Variants in PRIMA1 observed in about 807,000 individuals in gnomAD.
PRIMA1 encodes the protein proline-rich membrane anchor 1.
A neutral mutation model predicts 17.5 loss-of-function variants in PRIMA1; 7 were observed. That is an observed-to-expected ratio of 0.40 (90% CI 0.23 to 0.75). The LOEUF (loss-of-function observed/expected upper bound fraction) is 0.75. PRIMA1 is among the 30% of genes least tolerant of loss of function. The pLI is 0.37. For missense variants in PRIMA1, 200 were observed against 201.8 expected (o/e 0.99, Z 0.05); for synonymous variants, 97 against 77.9 (o/e 1.25, Z -1.29).
intron 3 of PRIMA1, among the ~76,000 whole-genome samples, chr14:93,759,509 ATG>A (rs778062841): frequency 6.7e-6 from 1 of 148,682 alleles, no homozygotes. Flanking sequence ...GTGCGTGTGC[ATG>A]TGTGTGTGCG....
chr14:93,748,337 G>A (rs946449973), intron 3 of PRIMA1, among the ~76,000 whole-genome samples: 1 of 152,124 alleles, frequency 6.6e-6, no homozygotes, highest in Non-Finnish European at 1.5e-5. Context: ...AACCTGTGAC[G>A]GCTGCATAGA....
intron 3 of PRIMA1, among the ~76,000 whole-genome samples, chr14:93,744,707 C>T (rs891720353): frequency 5.3e-5 from 8 of 152,188 alleles, no homozygotes; most frequent in African/African-American, 1.9e-4. Flanking sequence ...TTGGCTCAGG[C>T]TTCTGGGTTT....
chr14:93,750,081 C>A (rs1248757096), intron 3 of PRIMA1, among the ~76,000 whole-genome samples: 1 of 152,080 alleles, frequency 6.6e-6, no homozygotes, highest in Non-Finnish European at 1.5e-5. Context: ...ACTTGGGAGG[C>A]TGAGGCAGGA....
At chr14:93,778,416 A>T (rs1226851329) in intron 3 of PRIMA1, among the ~76,000 whole-genome samples, 1 of 152,224 alleles carries the variant, frequency 6.6e-6, no homozygotes, top group African/African-American at 2.4e-5. Context: ...CTACCAGAGA[A>T]CAAGCTTTGT....
rs1417886918 is a variant in PRIMA1, at chr14:93,779,257, G to T, written c.148C>A (p.His50Asn). ...SCSKVTDSCR[H>N]VCQCRPPPPL... is the part of the protein sequence containing the mutation. ...GGAGGGGGCCGGCACTGGCAGACGT[G>T]TCGGCAGCTGTCAGTCACTTTGGAG... The change falls in exon 3 of 5, where the codon CAC becomes AAC. Residue 50 changes from histidine (H) to asparagine (N), a missense_variant. Coordinates refer to ENST00000393140, the MANE Select transcript of PRIMA1 (RefSeq NM_178013.4). 6.5e-7 allele frequency: 1 copy of T among 1,539,832 alleles called. No individual in the cohort carries two copies. The highest frequency in any genetic ancestry group is 1.3e-5 in the South Asian group (1 of 78,994).
intron 3 of PRIMA1, among the ~76,000 whole-genome samples, chr14:93,771,169 T>C (rs1885054170): frequency 6.6e-6 from 1 of 152,206 alleles, no homozygotes; most frequent in South Asian, 2.1e-4. Context: ...TATGTGTGTG[T>C]GCATGTGGAT....
chr14:93,771,772 G>A lies in PRIMA1; in HGVS notation c.229+7404C>T, dbSNP rs556994895. ...ATCAGCATGAGTCAGGTTCTACTTC[G>A]AAGGGGAGGCTGGTGGACAGAAGGA... On this transcript the variant is annotated intron_variant, in intron 3 of 4. Transcript: ENST00000393140. Among the ~76,000 whole-genome samples, 38 of 152,292 alleles carry A rather than the reference G, an allele frequency of 2.5e-4. 1 individual carries two copies. The highest frequency in any genetic ancestry group is 6.8e-3 in the Middle Eastern group (2 of 294).
At chr14:93,735,307 C>T (rs1438438167) in intron 4 of PRIMA1, among the ~76,000 whole-genome samples, 1 of 152,204 alleles carries the variant, frequency 6.6e-6, no homozygotes, top group Admixed American at 6.5e-5. Flanking sequence ...TGACAAAGGC[C>T]TCCCCAGTCA....
At chr14:93,762,587 G>A (rs1884766558) in intron 3 of PRIMA1, among the ~76,000 whole-genome samples, 1 of 151,916 alleles carries the variant, frequency 6.6e-6, no homozygotes, top group South Asian at 2.1e-4. Context: ...ACCTGGTCCC[G>A]GTGGCTGTCA....
At chr14:93,730,903 A>T (rs1321790222) in intron 4 of PRIMA1, among the ~76,000 whole-genome samples, 1 of 152,202 alleles carries the variant, frequency 6.6e-6, no homozygotes, top group Non-Finnish European at 1.5e-5. Flanking sequence ...GCAGGTTCCC[A>T]GGGAGGAGCC....
rs191074520 is a variant in PRIMA1 at position 93,780,882 on chromosome 14, C to A, written c.94-1571G>T. Among the ~76,000 whole-genome samples the A allele has an allele frequency of 2.6e-5, 4 of 152,312 alleles. No individual in the cohort carries two copies. The East Asian group carries it at 5.8e-4, about 22-fold the overall frequency. On this transcript the variant is annotated intron_variant, in intron 2 of 4. Coordinates refer to ENST00000393140, the MANE Select transcript of PRIMA1 (RefSeq NM_178013.4). The stretch of plus-strand genomic sequence containing the variant: ...TCACCCTCCACCTCCTCGACAGCCA[C>A]GGTTGATTTCTCTGTCATCTCTGAG...
chr14:93,758,835 G>A (rs2076308682), intron 3 of PRIMA1, among the ~76,000 whole-genome samples: 1 of 152,024 alleles, frequency 6.6e-6, no homozygotes, highest in East Asian at 1.9e-4. Context: ...GATGATGAGG[G>A]CCCACTGTCT....
At position 93,780,492 on chromosome 14, in the gene PRIMA1, G is replaced by A. The variant is rs77712543; in HGVS notation, c.94-1181C>T. Among the ~76,000 whole-genome samples, 995 of 152,292 alleles carry A rather than the reference G, an allele frequency of 6.5e-3. 17 individuals carry two copies. Among genetic ancestry groups the A allele is most frequent in the African/African-American group, 0.023 (957 of 41,562 alleles). On this transcript the variant is annotated intron_variant, in intron 2 of 4. Transcript: ENST00000393140. ...ATCCACGCCTCTTGAACCTTGGCCT[G>A]GTGTTTTTCCAGCACCAATCTCAGC...
intron 3 of PRIMA1, among the ~76,000 whole-genome samples, chr14:93,761,445 C>T (rs75312781): frequency 0.036 from 5,496 of 152,282 alleles, 299 homozygotes; most frequent in African/African-American, 0.12. Flanking sequence ...GTCTCATTTA[C>T]ACCACTGTCC....
At chr14:93,730,852 G>T (rs2076109373) in intron 4 of PRIMA1, among the ~76,000 whole-genome samples, 1 of 152,148 alleles carries the variant, frequency 6.6e-6, no homozygotes, top group Admixed American at 6.5e-5. Context: ...CTAAGGAGAT[G>T]AAAGACTGGA....
rs2141151360 is a variant in PRIMA1, at chr14:93,726,098, C to G, written c.360-4552G>C. Reference sequence around the variant, plus strand: ...GGTGGGCTCTGCCACCTTCAGACTTCTTGTCCCCTGCCCTGGGCTTGGAGG... The same window carrying G: ...GGTGGGCTCTGCCACCTTCAGACTTGTTGTCCCCTGCCCTGGGCTTGGAGG... On this transcript the variant is annotated intron_variant, in intron 4 of 4. Coordinates refer to ENST00000393140, the MANE Select transcript of PRIMA1 (RefSeq NM_178013.4). This position sits in a 1 kb window ranked among gnomAD's most constrained non-coding sequence, Gnocchi z 4.2. 2.2e-6 allele frequency: 1 copy of G among 455,692 alleles called. No homozygotes were observed. The highest frequency in any genetic ancestry group is 7.0e-5 in the East Asian group (1 of 14,378). 28.2% of individuals were successfully genotyped at this position (455,692 alleles called of 1,614,324 possible).
intron 3 of PRIMA1, among the ~76,000 whole-genome samples, chr14:93,764,997 G>T (rs947872479): frequency 6.6e-6 from 1 of 152,148 alleles, no homozygotes; most frequent in Non-Finnish European, 1.5e-5. Context: ...GCTCCTGGGG[G>T]AATTGAGCTG....
rs150410136 is a variant in PRIMA1 at position 93,727,358 on chromosome 14, A to G, written c.360-5812T>C. 5.1e-3 allele frequency among the ~76,000 whole-genome samples: 779 copies of G among 152,282 alleles called. 8 individuals carry two copies. Among genetic ancestry groups the G allele is most frequent in the African/African-American group, 0.018 (750 of 41,556 alleles). On this transcript the variant is annotated intron_variant, in intron 4 of 4. Coordinates refer to ENST00000393140, the MANE Select transcript of PRIMA1 (RefSeq NM_178013.4). The stretch of plus-strand genomic sequence containing the variant: ...TGCTCTGCAGCCTGGGATTTGATCT[A>G]GGGCAGAGCCCTTCCCAGCCCGGAG...
intron 4 of PRIMA1, among the ~76,000 whole-genome samples, chr14:93,722,316 G>A (rs1231113795): frequency 3.7e-4 from 41 of 109,446 alleles, no homozygotes; most frequent in Non-Finnish European, 4.4e-4. Context: ...TAATGGGGTG[G>A]TGGTGGTAGT....
Sources: gnomAD v4.1 joint callset for allele counts (sites outside exome capture counted in the v4.1 genomes callset) on GRCh38, gnomAD v4.1.1 for gene constraint, Gnocchi (gnomAD v3.1) non-coding constraint, MANE v1.5 for transcripts, NCBI Gene and HGNC (gene_info 2026-07-23, HGNC 2026-07-21) for gene names.